ARPP21: variants seen among roughly 807,000 people sequenced by gnomAD.
ARPP21 encodes cAMP-regulated phosphoprotein 21.
In ARPP21, 69 loss-of-function variants were observed where a neutral mutation model predicts 113.2. That is an observed-to-expected ratio of 0.61 (90% CI 0.50 to 0.74). The LOEUF is 0.74. ARPP21 is among the 30% of genes least tolerant of loss of function. The pLI is 0.00. For synonymous variants in ARPP21, 368 were observed against 375.5 expected (o/e 0.98, Z 0.23); for missense variants, 1,070 against 1,037.4 (o/e 1.03, Z -0.43).
At chr3:35,669,443 G>A (rs147194433) in intron 1 of ARPP21, among the ~76,000 whole-genome samples, 1,728 of 152,196 alleles carry the variant, frequency 0.011, 31 homozygotes, top group African/African-American at 0.039. Context: ...ATATCAAATT[G>A]TAAATTTGAT....
intron 19 of ARPP21, among the ~76,000 whole-genome samples, chr3:35,748,088 AAG>A (rs2095215774): frequency 7.7e-6 from 1 of 130,396 alleles, no homozygotes; most frequent in Non-Finnish European, 1.7e-5. Flanking sequence ...GAAAGAAAGA[AAG>A]AAAGAAAGAA....
In ARPP21 at chr3:35,738,154, C is replaced by T. The variant is rs1576463428; in HGVS notation, c.1645-60C>T. On this transcript the variant is annotated intron_variant, in intron 16 of 20. Transcript: ENST00000684406. ...GCCTATGAAGGACAGTGGTGTGCAT[C>T]TTGTGAGATTTCAACCCCAGTGCTT... The T allele has an allele frequency of 3.7e-6, 4 of 1,077,144 alleles. No homozygotes were observed. The East Asian group carries it at 7.7e-5, about 21-fold the overall frequency. The allele number at this position is 1,077,144 out of a possible 1,614,324, so 66.7% of individuals were successfully genotyped here.
In ARPP21 at chr3:35,793,753, C is replaced by G. The variant is rs780293876; in HGVS notation, c.2339C>G (p.Pro780Arg). The change falls in exon 21 of 21, where the codon CCA (proline) becomes CGA (arginine). Residue 780 changes from proline (P) to arginine (R), a missense_variant. Pro to Arg is a moderately radical substitution (Grantham distance 103). Transcript: ENST00000684406. ...CTGCCCCAGCAGTCATACCAACAGC[C>G]AATCATGCTACCTAACCAGGCAGGT... ...QGLPQQSYQQ[P>R]IMLPNQAGQG... 6.2e-7 allele frequency: 1 copy of G among 1,613,644 alleles called. No homozygotes were observed. The highest frequency in any genetic ancestry group is 8.5e-7 in the Non-Finnish European group (1 of 1,179,658).
intron 11 of ARPP21, among the ~76,000 whole-genome samples, chr3:35,709,917 G>A (rs2090497583): frequency 1.3e-5 from 2 of 152,172 alleles, no homozygotes. Context: ...GCTGTGATCT[G>A]CTTCTGGAGA....
At position 35,706,955 on chromosome 3, in the gene ARPP21, T is replaced by C. The variant is rs2089352005; in HGVS notation, c.687-19T>C. 3 of 1,581,112 alleles carry C rather than the reference T, an allele frequency of 1.9e-6. No individual in the cohort carries two copies. The highest frequency in any genetic ancestry group is 1.7e-6 in the Non-Finnish European group (2 of 1,161,434). On this transcript the variant is annotated intron_variant, in intron 9 of 20. Transcript: ENST00000684406. Reference sequence around the variant, plus strand: ...AGGGGGAAAAACTTTTTTATTGATATGTTTTACTTTGCTGGCAGACCAGAG... The same window carrying C: ...AGGGGGAAAAACTTTTTTATTGATACGTTTTACTTTGCTGGCAGACCAGAG...
chr3:35,731,672 G>A (rs145940186), intron 15 of ARPP21, among the ~76,000 whole-genome samples: 94 of 151,118 alleles, frequency 6.2e-4, no homozygotes, highest in African/African-American at 2.2e-3. Context: ...TGTGATGTAC[G>A]TGTATCTACC....
At chr3:35,678,379 A>C (rs1344259412) in intron 1 of ARPP21, among the ~76,000 whole-genome samples, 1 of 151,968 alleles carries the variant, frequency 6.6e-6, no homozygotes, top group Non-Finnish European at 1.5e-5. Context: ...ATATTAGATA[A>C]TGGGCTTCTT....
intron 20 of ARPP21, 97 bp from the exon 21 acceptor site, chr3:35,793,604 A>T (rs997339836): frequency 1.5e-5 from 12 of 825,276 alleles, no homozygotes; most frequent in Non-Finnish European, 2.3e-5. Context: ...GTTAGGTCTA[A>T]CTCAAAAGTT....
intron 7 of ARPP21, 93 bp downstream of exon 7, chr3:35,689,478 T>C: frequency 1.4e-6 from 1 of 707,872 alleles, no homozygotes; most frequent in Non-Finnish European, 2.5e-6. Flanking sequence ...AAAGCCATTG[T>C]GAAATGCAGA....
At chr3:35,752,003 A>G (rs567012573) in intron 19 of ARPP21, among the ~76,000 whole-genome samples, 3 of 152,240 alleles carry the variant, frequency 2.0e-5, no homozygotes, top group Admixed American at 6.6e-5. Context: ...AGATTCTCCA[A>G]CTGTCAGAGT....
chr3:35,776,006 T>G (rs1022238068), intron 19 of ARPP21, among the ~76,000 whole-genome samples: 3 of 152,198 alleles, frequency 2.0e-5, no homozygotes, highest in Non-Finnish European at 4.4e-5. Context: ...ATGTCTTTAA[T>G]TTAATGTCCA....
At chr3:35,744,857 T>C (rs950401226) in intron 19 of ARPP21, among the ~76,000 whole-genome samples, 3 of 152,256 alleles carry the variant, frequency 2.0e-5, no homozygotes, top group Non-Finnish European at 4.4e-5. Flanking sequence ...ATACACAATA[T>C]GTACCATTTT....
chr3:35,677,386 T>G (rs1278203267), intron 1 of ARPP21, among the ~76,000 whole-genome samples: 1 of 151,886 alleles, frequency 6.6e-6, no homozygotes, highest in Non-Finnish European at 1.5e-5. Flanking sequence ...TTGTTCTCCC[T>G]ACCTTTCTTC....
intron 1 of ARPP21, among the ~76,000 whole-genome samples, chr3:35,679,341 A>G (rs950790053): frequency 2.0e-5 from 3 of 152,040 alleles, no homozygotes; most frequent in African/African-American, 7.2e-5. Context: ...GGTAGCTTTC[A>G]TAAAGAGAGA....
intron 1 of ARPP21, among the ~76,000 whole-genome samples, chr3:35,662,367 G>A (rs1228886630): frequency 6.6e-6 from 1 of 152,190 alleles, no homozygotes; most frequent in African/African-American, 2.4e-5. Flanking sequence ...TATCACTACT[G>A]CAAAGCATTT....
chr3:35,681,697 A>T lies in ARPP21; in HGVS notation c.-38-17A>T. 7.1e-7 allele frequency: 1 copy of T among 1,409,746 alleles called. No homozygotes were observed. 87.3% of individuals were successfully genotyped at this position (1,409,746 alleles called of 1,614,324 possible). On this transcript the variant is annotated splice_polypyrimidine_tract_variant and intron_variant, in intron 2 of 20. Coordinates refer to ENST00000684406, the MANE Select transcript of ARPP21 (RefSeq NM_001385562.1). ...TACCTTGCACTGACTTTATTTTCTG[A>T]TATCTTAACCTTCTAGGGCATAAAA...
chr3:35,749,960 G>A (rs747292478), intron 19 of ARPP21, among the ~76,000 whole-genome samples: 7 of 151,780 alleles, frequency 4.6e-5, no homozygotes, highest in Admixed American at 1.3e-4. Flanking sequence ...ATTTTTGTCA[G>A]CCTTGCTAGA....
chr3:35,658,416 T>C (rs1278561216), intron 1 of ARPP21, among the ~76,000 whole-genome samples: 1 of 152,170 alleles, frequency 6.6e-6, no homozygotes, highest in African/African-American at 2.4e-5. Context: ...TATGAAAACA[T>C]GATACCTATT....
At chr3:35,788,533 G>T (rs1297481664) in intron 19 of ARPP21, among the ~76,000 whole-genome samples, 1 of 152,082 alleles carries the variant, frequency 6.6e-6, no homozygotes, top group Non-Finnish European at 1.5e-5. Flanking sequence ...ATAGAAATTT[G>T]CTGTCTTCAG....
Sources: gnomAD v4.1 joint callset for allele counts (sites outside exome capture counted in the v4.1 genomes callset) on GRCh38, gnomAD v4.1.1 for gene constraint, MANE v1.5 for transcripts, NCBI Gene and HGNC (gene_info 2026-07-23, HGNC 2026-07-21) for gene names.